Variants in SGMS1 observed in about 807,000 individuals in gnomAD.
The protein encoded by SGMS1 is sphingomyelin synthase 1, also known as phosphatidylcholine:ceramide cholinephosphotransferase 1.
Under a neutral mutation model 46.2 loss-of-function variants are expected in SGMS1, and 13 were observed. That is an observed-to-expected ratio of 0.28 (90% CI 0.18 to 0.45). The LOEUF is 0.45. Ranked by LOEUF, SGMS1 falls within the 20% of genes least tolerant of loss-of-function variation. The pLI, the probability that SGMS1 is intolerant of heterozygous loss-of-function variation, is 1.00. For missense variants in SGMS1, 324 were observed against 519.9 expected (o/e 0.62, Z 3.66); for synonymous variants, 203 against 187.8 (o/e 1.08, Z -0.66).
At chr10:50,366,373 C>T (rs1848344410) in intron 6 of SGMS1, among the ~76,000 whole-genome samples, 1 of 152,182 alleles carries the variant, frequency 6.6e-6, no homozygotes, top group African/African-American at 2.4e-5. Flanking sequence ...TTAGTTCAAC[C>T]ATTGTGGAAC....
At chr10:50,592,993 T>C (rs1406153638) in intron 1 of SGMS1, among the ~76,000 whole-genome samples, 1 of 148,866 alleles carries the variant, frequency 6.7e-6, no homozygotes, top group African/African-American at 2.4e-5. Flanking sequence ...GGCTGGCATG[T>C]GGGAACCACT....
rs144598497 is a variant in SGMS1 at position 50,501,833 on chromosome 10, G to T, written c.-498+17998C>A. On this transcript the variant is annotated intron_variant, in intron 3 of 10. Transcript: ENST00000361781. Reference sequence around the variant, plus strand: ...ATTCATGGTATCATTGAAACCCTAAGAAAAATTCTTAAATTACTTTTTAGA... The same window carrying T: ...ATTCATGGTATCATTGAAACCCTAATAAAAATTCTTAAATTACTTTTTAGA... 7.2e-5 allele frequency among the ~76,000 whole-genome samples: 11 copies of T among 152,148 alleles called. No individual in the cohort carries two copies. In the East Asian group the frequency reaches 1.9e-3, roughly 27 times the overall value.
At chr10:50,412,489 A>G (rs1376706506) in intron 6 of SGMS1, among the ~76,000 whole-genome samples, 1 of 152,186 alleles carries the variant, frequency 6.6e-6, no homozygotes, top group East Asian at 1.9e-4. Flanking sequence ...AAATACATAC[A>G]ATGCCAATGG....
intron 5 of SGMS1, among the ~76,000 whole-genome samples, chr10:50,440,073 G>T (rs1849522092): frequency 6.6e-6 from 1 of 152,086 alleles, no homozygotes; most frequent in Non-Finnish European, 1.5e-5. Context: ...ATGTATTTTG[G>T]TAGGCTATTA....
chr10:50,337,872 CAAAA>C (rs56330245), intron 7 of SGMS1, among the ~76,000 whole-genome samples: 40 of 102,774 alleles, frequency 3.9e-4, no homozygotes, highest in East Asian at 1.2e-3. Context: ...GGTTAAAATA[CAAAA>C]AAAAAAAAAA....
chr10:50,489,086 G>C (rs1292950245), intron 3 of SGMS1, among the ~76,000 whole-genome samples: 1 of 152,204 alleles, frequency 6.6e-6, no homozygotes, highest in Non-Finnish European at 1.5e-5. Context: ...GGAAGTGTCA[G>C]ACAAAGAGAG....
chr10:50,444,313 C>A (rs919661121), intron 5 of SGMS1, among the ~76,000 whole-genome samples: 1 of 152,018 alleles, frequency 6.6e-6, no homozygotes, highest in African/African-American at 2.4e-5. Context: ...AAAAACCAGA[C>A]AAACATAATA....
intron 6 of SGMS1, among the ~76,000 whole-genome samples, chr10:50,428,620 A>G (rs1370878481): frequency 6.6e-6 from 1 of 152,218 alleles, no homozygotes; most frequent in African/African-American, 2.4e-5. Flanking sequence ...TGTTCTCATA[A>G]TCTTTCAGAT....
intron 1 of SGMS1, among the ~76,000 whole-genome samples, chr10:50,621,361 A>C (rs923396796): frequency 6.6e-6 from 1 of 152,224 alleles, no homozygotes; most frequent in African/African-American, 2.4e-5. Flanking sequence ...GCTAAAATTG[A>C]ATGTTTATGG....
At chr10:50,330,033 T>G (rs1057229529) in intron 7 of SGMS1, among the ~76,000 whole-genome samples, 1 of 152,246 alleles carries the variant, frequency 6.6e-6, no homozygotes, top group East Asian at 1.9e-4. Flanking sequence ...AATAGCATGT[T>G]ATGTCAAGTA....
chr10:50,538,611 C>A (rs561876467), intron 2 of SGMS1, among the ~76,000 whole-genome samples: 14 of 152,236 alleles, frequency 9.2e-5, no homozygotes, highest in Admixed American at 7.2e-4. Flanking sequence ...GATATACACA[C>A]CCCTCATCAT....
intron 2 of SGMS1, among the ~76,000 whole-genome samples, chr10:50,550,384 C>T (rs1036744699): frequency 6.6e-6 from 1 of 152,166 alleles, no homozygotes; most frequent in Non-Finnish European, 1.5e-5. Flanking sequence ...GTTCTAATCC[C>T]TCTATCTAAT....
At chr10:50,336,513 C>A (rs1847719810) in intron 7 of SGMS1, among the ~76,000 whole-genome samples, 1 of 152,136 alleles carries the variant, frequency 6.6e-6, no homozygotes. Context: ...AAATGGACGG[C>A]TATCAAAGTT....
At chr10:50,363,615 A>T (rs1226656863) in intron 6 of SGMS1, among the ~76,000 whole-genome samples, 1 of 152,222 alleles carries the variant, frequency 6.6e-6, no homozygotes, top group East Asian at 1.9e-4. Context: ...ACTAAAAACA[A>T]GGGACAAAGT....
intron 3 of SGMS1, among the ~76,000 whole-genome samples, chr10:50,513,708 T>C (rs1199734155): frequency 6.6e-6 from 1 of 152,210 alleles, no homozygotes; most frequent in Non-Finnish European, 1.5e-5. Context: ...TTCAGGTTTA[T>C]ATTAAGCTCA....
chr10:50,505,850 A>G (rs1588857185), intron 3 of SGMS1, among the ~76,000 whole-genome samples: 1 of 152,072 alleles, frequency 6.6e-6, no homozygotes, highest in Admixed American at 6.5e-5. Context: ...AAAGCACACC[A>G]TATCTGCGGG....
chr10:50,349,734 C>T (rs1847973926), intron 6 of SGMS1, among the ~76,000 whole-genome samples: 1 of 152,174 alleles, frequency 6.6e-6, no homozygotes, highest in Non-Finnish European at 1.5e-5. Flanking sequence ...TTGCTTCCTT[C>T]TCATTTTCTC....
chr10:50,377,022 C>T (rs1221262322), intron 6 of SGMS1, among the ~76,000 whole-genome samples: 1 of 152,214 alleles, frequency 6.6e-6, no homozygotes, highest in South Asian at 2.1e-4. Flanking sequence ...AACAGTCTCC[C>T]TGGAAATGTT....
chr10:50,441,170 C>T (rs1849542418), intron 5 of SGMS1, among the ~76,000 whole-genome samples: 1 of 152,184 alleles, frequency 6.6e-6, no homozygotes, highest in African/African-American at 2.4e-5. Context: ...CCTAATAGTT[C>T]AGCCTTCTCT....
Sources: gnomAD v4.1 joint callset for allele counts (sites outside exome capture counted in the v4.1 genomes callset) on GRCh38, gnomAD v4.1.1 for gene constraint, MANE v1.5 for transcripts, NCBI Gene and HGNC (gene_info 2026-07-23, HGNC 2026-07-21) for gene names.